CTNNA3: variants seen among roughly 807,000 people sequenced by gnomAD.
CTNNA3 encodes the protein catenin alpha-3.
A neutral mutation model predicts 95.7 loss-of-function variants in CTNNA3; 76 were observed. The observed-to-expected ratio is 0.79, with a 90% CI of 0.66 to 0.96. The LOEUF is 0.96. Among genes scored for constraint, CTNNA3 ranks in the 40% least tolerant of loss-of-function variants. CTNNA3 has a pLI of 0.00. For synonymous variants in CTNNA3, 431 were observed against 374.4 expected, an observed-to-expected ratio of 1.15 and a Z score of -1.74; for missense variants, 1,191 against 1,089.8, an observed-to-expected ratio of 1.09 and a Z score of -1.31.
intron 10 of CTNNA3, among the ~76,000 whole-genome samples, chr10:66,608,365 A>G (rs1382109445): frequency 6.6e-6 from 1 of 152,218 alleles, no homozygotes; most frequent in Non-Finnish European, 1.5e-5. Context: ...TAAAATGACC[A>G]TACTGCCCAA....
intron 10 of CTNNA3, among the ~76,000 whole-genome samples, chr10:66,553,667 A>G (rs952639119): frequency 2.0e-5 from 3 of 151,266 alleles, no homozygotes; most frequent in Non-Finnish European, 4.4e-5. Flanking sequence ...ACCTGGGACT[A>G]CAGGTGACCG....
intron 5 of CTNNA3, among the ~76,000 whole-genome samples, chr10:67,426,711 C>T (rs1208774576): frequency 2.0e-5 from 3 of 151,404 alleles, no homozygotes; most frequent in Non-Finnish European, 4.4e-5. Context: ...ATGTAAATGA[C>T]GAGTTGATGG....
intron 10 of CTNNA3, among the ~76,000 whole-genome samples, chr10:66,615,218 CATTTT>C (rs901907187): frequency 4.6e-5 from 7 of 151,948 alleles, no homozygotes; most frequent in East Asian, 1.9e-4. Flanking sequence ...GTATCATAAC[CATTTT>C]ATTTTATTTT....
chr10:66,578,787 T>TC (rs1843087786), intron 10 of CTNNA3, among the ~76,000 whole-genome samples: 4 of 149,800 alleles, frequency 2.7e-5, no homozygotes, highest in South Asian at 4.3e-4. Context: ...TTTCTTTCTT[T>TC]TTTTTTTTTT....
At chr10:66,786,281 G>A (rs922101025) in intron 7 of CTNNA3, among the ~76,000 whole-genome samples, 7 of 151,712 alleles carry the variant, frequency 4.6e-5, no homozygotes, top group Non-Finnish European at 7.4e-5. Context: ...TTCTCTTGCT[G>A]GGACCCTAAC....
At chr10:67,595,604 T>C (rs1026545213) in intron 3 of CTNNA3, among the ~76,000 whole-genome samples, 1 of 152,194 alleles carries the variant, frequency 6.6e-6, no homozygotes, top group Admixed American at 6.5e-5. Context: ...GAAGAATGTA[T>C]ATTCTGTGGT....
At chr10:66,766,059 A>G in intron 9 of CTNNA3, 1 of 445,006 alleles carries the variant, frequency 2.2e-6, no homozygotes, top group Non-Finnish European at 4.0e-6. Flanking sequence ...AAGCTCTAAT[A>G]AAATATGTGT....
chr10:67,122,763 T>C (rs1284547724), intron 7 of CTNNA3, among the ~76,000 whole-genome samples: 2 of 151,996 alleles, frequency 1.3e-5, no homozygotes, highest in African/African-American at 4.8e-5. Context: ...CTCCCTTGCC[T>C]GAAAGGGAAA....
chr10:67,023,670 T>C (rs543272772), intron 7 of CTNNA3, among the ~76,000 whole-genome samples: 14 of 152,252 alleles, frequency 9.2e-5, no homozygotes, highest in African/African-American at 2.4e-4. Flanking sequence ...TGGAGAAAAA[T>C]TGAGTCAATA....
chr10:66,848,610 ATTTCAC>A (rs1281465072), intron 7 of CTNNA3, among the ~76,000 whole-genome samples: 3 of 152,156 alleles, frequency 2.0e-5, no homozygotes, highest in Non-Finnish European at 4.4e-5. Context: ...GATAAAATAT[ATTTCAC>A]CTTATGAGCT....
intron 10 of CTNNA3, among the ~76,000 whole-genome samples, chr10:66,605,142 T>C (rs1844073767): frequency 6.6e-6 from 1 of 152,058 alleles, no homozygotes; most frequent in Admixed American, 6.6e-5. Context: ...AAAAACACAC[T>C]ACAAGAATTT....
At chr10:67,743,463 A>G (rs1841354862) in intron 1 of CTNNA3, among the ~76,000 whole-genome samples, 1 of 151,378 alleles carries the variant, frequency 6.6e-6, no homozygotes, top group Non-Finnish European at 1.5e-5. Flanking sequence ...GCTTCATGCT[A>G]AAAACTCTCA....
intron 1 of CTNNA3, among the ~76,000 whole-genome samples, chr10:67,695,411 T>C (rs751052760): frequency 7.9e-5 from 12 of 152,210 alleles, no homozygotes; most frequent in Non-Finnish European, 1.3e-4. Context: ...GATTGATCAT[T>C]ACATCTCATG....
chr10:66,596,255 T>C (rs942708708), intron 10 of CTNNA3, among the ~76,000 whole-genome samples: 4 of 152,092 alleles, frequency 2.6e-5, no homozygotes, highest in Non-Finnish European at 5.9e-5. Flanking sequence ...CTAGGATCTC[T>C]ACCCATGACC....
chr10:67,722,064 A>G (rs539034773), intron 1 of CTNNA3, among the ~76,000 whole-genome samples: 3 of 152,298 alleles, frequency 2.0e-5, no homozygotes, highest in African/African-American at 2.4e-5. Context: ...AGCAGTTCCT[A>G]TTCAGCCATC....
At chr10:67,698,036 T>C (rs1166498524), upstream of CTNNA3, among the ~76,000 whole-genome samples, 3 of 152,234 alleles carry the variant, frequency 2.0e-5, no homozygotes, top group Non-Finnish European at 4.4e-5. Context: ...ATAGTTCCTG[T>C]AAACTACACA....
chr10:67,263,798 G>A (rs977728548), intron 5 of CTNNA3, among the ~76,000 whole-genome samples: 7 of 152,076 alleles, frequency 4.6e-5, no homozygotes, highest in Admixed American at 6.6e-5. Flanking sequence ...TTCTGCTGTC[G>A]CTGGTGAAGA....
chr10:66,975,004 A>G (rs1849949600), intron 7 of CTNNA3, among the ~76,000 whole-genome samples: 1 of 152,172 alleles, frequency 6.6e-6, no homozygotes, highest in African/African-American at 2.4e-5. Context: ...ATAGGCCTGG[A>G]ATCAAAGGTA....
chr10:66,830,062 C>G (rs1842662719), intron 7 of CTNNA3, among the ~76,000 whole-genome samples: 1 of 152,104 alleles, frequency 6.6e-6, no homozygotes, highest in Non-Finnish European at 1.5e-5. Flanking sequence ...CTAGTGGACC[C>G]AAGTTTGGAA....
Sources: gnomAD v4.1 joint callset for allele counts (sites outside exome capture counted in the v4.1 genomes callset) on GRCh38, gnomAD v4.1.1 for gene constraint, MANE v1.5 for transcripts, NCBI Gene and HGNC (gene_info 2026-07-23, HGNC 2026-07-21) for gene names.